TMEM71: variants seen among roughly 807,000 people sequenced by gnomAD.
TMEM71 encodes transmembrane protein 71.
A neutral mutation model predicts 38.0 loss-of-function variants in TMEM71; 44 were observed. The observed-to-expected ratio is 1.16, with a 90% CI of 0.91 to 1.49. The LOEUF (loss-of-function observed/expected upper bound fraction) is 1.49, where lower values mean the gene tolerates loss of function less well. Ranked by LOEUF, TMEM71 falls within the 40% of genes most tolerant of loss-of-function variation. TMEM71 has a pLI of 0.00. For missense variants in TMEM71, 367 were observed against 348.6 expected, an observed-to-expected ratio of 1.05 and a Z score of -0.42; for synonymous variants, 133 against 122.5, an observed-to-expected ratio of 1.09 and a Z score of -0.56.
chr8:132,729,155 T>A (rs1411886360), intron 5 of TMEM71, among the ~76,000 whole-genome samples: 3 of 152,240 alleles, frequency 2.0e-5, no homozygotes, highest in African/African-American at 4.8e-5. Flanking sequence ...ACACTTGGTG[T>A]CTTCAATGTG....
At chr8:132,727,691 G>T in intron 6 of TMEM71, 107 bp downstream of exon 6, 3 of 991,722 alleles carry the variant, frequency 3.0e-6, no homozygotes, top group Non-Finnish European at 4.5e-6. Flanking sequence ...TCCTCGCACA[G>T]GTTGGTACCA....
intron 9 of TMEM71, among the ~76,000 whole-genome samples, chr8:132,711,788 A>G (rs577176439): frequency 6.6e-6 from 1 of 152,258 alleles, no homozygotes; most frequent in African/African-American, 2.4e-5. Flanking sequence ...GTGAGGTGCT[A>G]AAGAGGCACC....
chr8:132,739,374 C>T (rs1168344539), intron 5 of TMEM71, among the ~76,000 whole-genome samples: 4 of 152,212 alleles, frequency 2.6e-5, no homozygotes, highest in Non-Finnish European at 4.4e-5. Context: ...TGCAGTGGCG[C>T]GGTCTCCGCT....
intron 5 of TMEM71, among the ~76,000 whole-genome samples, chr8:132,742,442 A>C (rs558729787): frequency 6.6e-6 from 1 of 152,184 alleles, no homozygotes; most frequent in African/African-American, 2.4e-5. Flanking sequence ...CCTCCCAGCT[A>C]CCTCTAGGTA....
chr8:132,774,706 TAA>T, the TMEM71 span, among the ~76,000 whole-genome samples: 4 of 152,266 alleles, frequency 2.6e-5, no homozygotes, highest in Admixed American at 2.6e-4. Context: ...CTGTGCTTAG[TAA>T]AGTTTGGGAG....
intron 5 of TMEM71, among the ~76,000 whole-genome samples, chr8:132,733,337 G>T (rs1413993005): frequency 1.3e-5 from 2 of 152,160 alleles, no homozygotes; most frequent in Non-Finnish European, 2.9e-5. Context: ...ATGTAGTGTT[G>T]TTATTTGCAA....
chr8:132,749,746 TG>T (rs1828590047), intron 4 of TMEM71, among the ~76,000 whole-genome samples: 1 of 152,142 alleles, frequency 6.6e-6, no homozygotes, highest in South Asian at 2.1e-4. Flanking sequence ...CCCGGCACAG[TG>T]GCTCACACCT....
Position 132,727,692 on chromosome 8 carries a change from G to T in TMEM71, c.676+106C>A, listed in dbSNP as rs1827223787. On this transcript the variant is annotated intron_variant, in intron 6 of 9. Transcript: ENST00000677595. Reference sequence around the variant, plus strand: ...CCCATGTCCTCCCTTCCTCGCACAGGTTGGTACCAGCTCCTAACTGCATTT... The same window carrying T: ...CCCATGTCCTCCCTTCCTCGCACAGTTTGGTACCAGCTCCTAACTGCATTT... The T allele has an allele frequency of 4.0e-6, 4 of 1,002,400 alleles. No individual in the cohort carries two copies. In the Admixed American group the frequency reaches 7.5e-5, roughly 19 times the overall value. 62.1% of individuals were successfully genotyped at this position (1,002,400 alleles called of 1,614,324 possible).
At chr8:132,775,250 C>A in the TMEM71 span, 22 of 316,090 alleles carry the variant, frequency 7.0e-5, no homozygotes, top group Middle Eastern at 8.5e-4. Flanking sequence ...CGTCAACGAC[C>A]GCAAAGCCCC....
At chr8:132,721,523 A>G (rs911806400) in intron 7 of TMEM71, among the ~76,000 whole-genome samples, 2 of 151,278 alleles carry the variant, frequency 1.3e-5, no homozygotes, top group African/African-American at 4.9e-5. Context: ...TATGCTTTCT[A>G]GGTGGTTTTC....
intron 5 of TMEM71, among the ~76,000 whole-genome samples, chr8:132,741,902 A>G (rs1251517908): frequency 1.3e-5 from 2 of 152,202 alleles, no homozygotes; most frequent in African/African-American, 2.4e-5. Flanking sequence ...CCGGTCTGCT[A>G]TGTAGCGGGT....
At chr8:132,752,884 G>T (rs1378510816) in intron 3 of TMEM71, among the ~76,000 whole-genome samples, 4 of 137,602 alleles carry the variant, frequency 2.9e-5, no homozygotes, top group Non-Finnish European at 6.2e-5. Context: ...AGGAAGGAAG[G>T]AAGGAATCAC....
At chr8:132,716,059 A>AGCCCGGAACTGGAGGGGCC (rs1346506893) in intron 7 of TMEM71, among the ~76,000 whole-genome samples, 3 of 152,018 alleles carry the variant, frequency 2.0e-5, no homozygotes, top group Non-Finnish European at 4.4e-5. Context: ...AACAGGAGGG[A>AGCCCGGAACTGGAGGGGCC]GCCCGGAACT....
intron 5 of TMEM71, among the ~76,000 whole-genome samples, chr8:132,744,664 AG>A (rs1157659081): frequency 1.3e-5 from 2 of 152,204 alleles, no homozygotes; most frequent in Admixed American, 1.3e-4. Flanking sequence ...TATTTTTCAC[AG>A]GGTTGGAAAA....
the TMEM71 span, among the ~76,000 whole-genome samples, chr8:132,768,835 G>A: frequency 3.3e-5 from 5 of 152,242 alleles, no homozygotes; most frequent in African/African-American, 1.2e-4. Context: ...AATTACCTTG[G>A]AGATAGTGTT....
At chr8:132,743,073 G>T (rs1490122423) in intron 5 of TMEM71, among the ~76,000 whole-genome samples, 1 of 152,070 alleles carries the variant, frequency 6.6e-6, no homozygotes, top group Non-Finnish European at 1.5e-5. Flanking sequence ...CTCCCACCAG[G>T]CCCCTCCCAC....
At chr8:132,738,548 A>G (rs982129859) in intron 5 of TMEM71, among the ~76,000 whole-genome samples, 1 of 152,216 alleles carries the variant, frequency 6.6e-6, no homozygotes, top group South Asian at 2.1e-4. Flanking sequence ...TACTGCAAAG[A>G]TAACTTGAAA....
At chr8:132,718,169 G>C (rs978098602) in intron 7 of TMEM71, among the ~76,000 whole-genome samples, 38 of 152,032 alleles carry the variant, frequency 2.5e-4, no homozygotes, top group Non-Finnish European at 5.9e-5. Context: ...GAGTGGTGAT[G>C]GTTGCACAAT....
intron 5 of TMEM71, among the ~76,000 whole-genome samples, chr8:132,741,333 G>A (rs1161188156): frequency 6.6e-6 from 1 of 152,186 alleles, no homozygotes; most frequent in East Asian, 1.9e-4. Flanking sequence ...CACAGGGTCG[G>A]TGGGTCTCTC....
Sources: allele counts gnomAD v4.1 joint callset (sites outside exome capture counted in the v4.1 genomes callset), GRCh38; gene constraint gnomAD v4.1.1; transcripts MANE v1.5; gene names NCBI Gene and HGNC (gene_info 2026-07-23, HGNC 2026-07-21).